The following ZNF618 variants were observed in gnomAD, a reference collection of about 807,000 sequenced individuals.
ZNF618 encodes the protein neural precursor cell expressed, developmentally down-regulated 10.
Under a neutral mutation model 103.0 loss-of-function variants are expected in ZNF618, and 34 were observed. The ratio of observed to expected loss-of-function variants is 0.33; its 90% CI spans 0.25 to 0.44. The LOEUF (loss-of-function observed/expected upper bound fraction) is 0.44, where lower values mean the gene tolerates loss of function less well. ZNF618 is among the 20% of genes least tolerant of loss of function. The probability of loss-of-function intolerance (pLI) is 1.00; values close to 1 mark genes in which losing one functional copy is unlikely to be tolerated. For missense variants in ZNF618, 1,059 were observed against 1,295.4 expected (o/e 0.82, Z 2.80); for synonymous variants, 551 against 542.2 (o/e 1.02, Z -0.23).
intron 9 of ZNF618, chr9:114,016,245 G>T: frequency 7.1e-7 from 1 of 1,399,400 alleles, no homozygotes; most frequent in East Asian, 2.3e-5. Flanking sequence ...GGTGCTTGGG[G>T]GCAGGGAAGG....
At chr9:114,043,625 G>A (rs1196970734) in intron 13 of ZNF618, among the ~76,000 whole-genome samples, 2 of 152,132 alleles carry the variant, frequency 1.3e-5, no homozygotes, top group East Asian at 1.9e-4. Context: ...GAACCTCCAC[G>A]CTGTTTTCCA....
intron 4 of ZNF618, among the ~76,000 whole-genome samples, chr9:113,999,297 T>TGGGGCCCTGGGCTTTAGGCTGATCG (rs1840941837): frequency 8.6e-6 from 1 of 116,798 alleles, no homozygotes; most frequent in African/African-American, 4.0e-5. Context: ...TAGGCTGAGC[T>TGGGGCCCTGGGCTTTAGGCTGATCG]AGGGGCAGGC....
At position 114,008,512 on chromosome 9, in the gene ZNF618, G is replaced by A; in HGVS notation, c.712G>A (p.Val238Met). 1 of 1,613,990 alleles carries A rather than the reference G, an allele frequency of 6.2e-7. No individual in the cohort carries two copies. The highest frequency in any genetic ancestry group is 8.5e-7 in the Non-Finnish European group (1 of 1,179,870). The change falls in exon 9 of 15, where the codon GTG becomes ATG. Residue 238 changes from valine to methionine, a missense_variant. Coordinates refer to ENST00000374126, the MANE Select transcript of ZNF618 (RefSeq NM_001318042.2). Reference protein sequence around the residue: ...FDQGVVATDEVKEEPPEPFQK... With the variant: ...FDQGVVATDEMKEEPPEPFQK... ...CCAAGGTGTCGTGGCCACGGACGAG[G>A]TGAAGGAGGAGCCCCCGGAGCCATT...
chr9:113,901,725 A>C (rs1830568687), intron 1 of ZNF618, among the ~76,000 whole-genome samples: 1 of 152,126 alleles, frequency 6.6e-6, no homozygotes, highest in South Asian at 2.1e-4. Flanking sequence ...ACAGCTTCTT[A>C]AGTGGCCTGG....
chr9:113,986,519 G>A (rs1044376568), intron 2 of ZNF618, among the ~76,000 whole-genome samples: 7 of 152,214 alleles, frequency 4.6e-5, no homozygotes, highest in African/African-American at 1.7e-4. Flanking sequence ...TCTGGTGAGG[G>A]CTGCCTCCTG....
intron 9 of ZNF618, among the ~76,000 whole-genome samples, chr9:114,010,304 A>G (rs1317898448): frequency 3.3e-4 from 26 of 79,378 alleles, no homozygotes; most frequent in African/African-American, 8.1e-4. Flanking sequence ...TCTGTCTCAA[A>G]AAAAAAAAAA....
In ZNF618 at chr9:113,902,363, A is replaced by T. The variant is rs1830644059; in HGVS notation, c.33+25950A>T. ...CTGTTTTCTTTCCCTCCCTTTTAAA[A>T]GTCATGTGCCACAAGTTAATTTTGC... On this transcript the variant is annotated intron_variant, in intron 1 of 14. Transcript: ENST00000374126. Among the ~76,000 whole-genome samples, 4 of 152,280 alleles carry T rather than the reference A, an allele frequency of 2.6e-5. No individual in the cohort carries two copies. The South Asian group carries it at 8.3e-4, about 32-fold the overall frequency.
intron 10 of ZNF618, among the ~76,000 whole-genome samples, chr9:114,022,762 A>C (rs1164997987): frequency 6.6e-6 from 1 of 151,850 alleles, no homozygotes; most frequent in East Asian, 1.9e-4. Context: ...CTAATGGTGG[A>C]TTTGTCTATT....
chr9:113,945,221 C>T (rs1022279447), intron 1 of ZNF618, among the ~76,000 whole-genome samples: 1 of 152,062 alleles, frequency 6.6e-6, no homozygotes, highest in African/African-American at 2.4e-5. Context: ...CCCCTTCCCT[C>T]ATCTCTCTTT....
At chr9:113,990,735 C>T (rs939502860) in intron 3 of ZNF618, among the ~76,000 whole-genome samples, 1 of 152,138 alleles carries the variant, frequency 6.6e-6, no homozygotes, top group Non-Finnish European at 1.5e-5. Context: ...GTCACACGGC[C>T]CCACCCAACC....
chr9:113,988,416 C>T lies in ZNF618; in HGVS notation c.173C>T (p.Thr58Met), dbSNP rs759301939. ...ASLSAEQGTM[T>M]EVKVKTELPD... ...CTGAGTGCCGAGCAAGGAACGATGA[C>T]GGAGGTGAAGGTGAAGACAGAGCTG... The change falls in exon 3 of 15, where the codon ACG (threonine) becomes ATG (methionine). Residue 58 changes from threonine to methionine, a missense_variant. Thr to Met is a moderately conservative substitution (Grantham distance 81, BLOSUM62 -1). Coordinates refer to ENST00000374126, the MANE Select transcript of ZNF618 (RefSeq NM_001318042.2). 14 of 1,613,524 alleles carry T rather than the reference C, an allele frequency of 8.7e-6. No individual in the cohort carries two copies. The highest frequency in any genetic ancestry group is 6.7e-5 in the Admixed American group (4 of 60,008).
chr9:113,949,801 C>T (rs746026357), intron 1 of ZNF618, among the ~76,000 whole-genome samples: 2 of 152,220 alleles, frequency 1.3e-5, no homozygotes, highest in Non-Finnish European at 2.9e-5. Context: ...TTTCTAGGAT[C>T]GTTTCCTGAT....
Position 113,969,138 on chromosome 9 carries a change from G to A in ZNF618, c.55G>A (p.Gly19Arg), listed in dbSNP as rs779987994. ...GCAGGCTGACGGAGCCAGTGCAGCC[G>A]GAAGGAAAAGCACTGCGAGCAGGTA... Reference protein sequence around the residue: ...APQADGASAAGRKSTASRERL... With the variant: ...APQADGASAARRKSTASRERL... The change falls in exon 2 of 15, where the codon GGA (glycine) becomes AGA (arginine). Residue 19 changes from glycine to arginine, a missense_variant. Transcript: ENST00000374126. The A allele has an allele frequency of 8.7e-6, 14 of 1,613,894 alleles. No homozygotes were observed. Among genetic ancestry groups the A allele is most frequent in the South Asian group, 4.4e-5 (4 of 91,060 alleles).
intron 6 of ZNF618, among the ~76,000 whole-genome samples, chr9:114,006,415 G>T (rs1841762209): frequency 6.6e-6 from 1 of 152,190 alleles, no homozygotes; most frequent in African/African-American, 2.4e-5. Flanking sequence ...GGGATTGATA[G>T]GCCCTCCCTA....
chr9:114,026,447 C>T (rs1014488838), intron 10 of ZNF618, among the ~76,000 whole-genome samples: 2 of 152,190 alleles, frequency 1.3e-5, no homozygotes, highest in Non-Finnish European at 2.9e-5. Context: ...GACTCTGTAA[C>T]GGGCTGATCC....
rs540662446 is a variant in ZNF618 at position 113,939,761 on chromosome 9, T to C, written c.34-29356T>C. Among the ~76,000 whole-genome samples, 7 of 151,996 alleles carry C rather than the reference T, an allele frequency of 4.6e-5. No individual in the cohort carries two copies. The East Asian group carries it at 1.4e-3, about 29-fold the overall frequency. On this transcript the variant is annotated intron_variant, in intron 1 of 14. Coordinates refer to ENST00000374126, the MANE Select transcript of ZNF618 (RefSeq NM_001318042.2). ...TATTAATATAAAGTCTTCCTTCCTT[T>C]CTTCTTCCCTCTTTCCCTCCTTCCC...
chr9:113,953,734 G>C (rs1040155243), intron 1 of ZNF618, among the ~76,000 whole-genome samples: 2 of 152,134 alleles, frequency 1.3e-5, no homozygotes, highest in African/African-American at 4.8e-5. Context: ...AGGCTTCCGG[G>C]AACCTGAGTC....
At chr9:113,939,209 G>A (rs1405895120) in intron 1 of ZNF618, among the ~76,000 whole-genome samples, 1 of 152,050 alleles carries the variant, frequency 6.6e-6, no homozygotes, top group Non-Finnish European at 1.5e-5. Context: ...AATATTTGAG[G>A]GAGGTTTTTG....
At chr9:113,888,895 A>G (rs1471366312) in intron 1 of ZNF618, among the ~76,000 whole-genome samples, 2 of 152,182 alleles carry the variant, frequency 1.3e-5, no homozygotes, top group Non-Finnish European at 2.9e-5. Flanking sequence ...TGGAATAGCC[A>G]GGTAAGCAGG....
Sources: gnomAD v4.1 joint callset for allele counts (sites outside exome capture counted in the v4.1 genomes callset) on GRCh38, gnomAD v4.1.1 for gene constraint, MANE v1.5 for transcripts, NCBI Gene and HGNC (gene_info 2026-07-23, HGNC 2026-07-21) for gene names.